The following ICA1 variants were observed in gnomAD, a reference collection of about 807,000 sequenced individuals.
ICA1 encodes the protein 69 kDa islet cell autoantigen.
A neutral mutation model predicts 71.0 loss-of-function variants in ICA1; 40 were observed. The observed-to-expected ratio is 0.56, with a 90% CI of 0.44 to 0.73. The LOEUF (loss-of-function observed/expected upper bound fraction) is 0.73. Among genes scored for constraint, ICA1 ranks in the 30% least tolerant of loss-of-function variants. The probability of loss-of-function intolerance (pLI) is 0.00; values close to 1 mark genes in which losing one functional copy is unlikely to be tolerated. For synonymous variants in ICA1, 207 were observed against 209.5 expected (o/e 0.99, Z 0.10); for missense variants, 578 against 576.5 (o/e 1.00, Z -0.03).
intron 13 of ICA1, among the ~76,000 whole-genome samples, chr7:8,126,201 A>C (rs544212083): frequency 1.3e-5 from 2 of 152,306 alleles, no homozygotes; most frequent in East Asian, 3.9e-4. Context: ...TTGTTTCCAA[A>C]GCTGAGGATC....
chr7:8,119,483 A>C (rs1313086267), intron 13 of ICA1, among the ~76,000 whole-genome samples: 1 of 152,288 alleles, frequency 6.6e-6, no homozygotes, highest in Non-Finnish European at 1.5e-5. Context: ...CTCACTTCCC[A>C]TCATGTAATG....
chr7:8,236,422 A>G lies in ICA1; in HGVS notation c.-79-417T>C, dbSNP rs544131039. Among the ~76,000 whole-genome samples the G allele has an allele frequency of 2.6e-5, 4 of 152,342 alleles. No homozygotes were observed. In the East Asian group the frequency reaches 7.7e-4, roughly 29 times the overall value. On this transcript the variant is annotated intron_variant, in intron 1 of 13. Coordinates refer to ENST00000402384, the MANE Select transcript of ICA1 (RefSeq NM_001136020.3). Reference sequence around the variant, plus strand: ...GAGATGGTGTGGGATGTGATGTGAGAGAGATATACAGCAGCTTCAAGTGCA... The same window carrying G: ...GAGATGGTGTGGGATGTGATGTGAGGGAGATATACAGCAGCTTCAAGTGCA...
intron 6 of ICA1, 77 bp downstream of exon 6, chr7:8,218,228 T>A (rs1795966987): frequency 7.8e-7 from 1 of 1,286,572 alleles, no homozygotes; most frequent in Non-Finnish European, 1.1e-6. Flanking sequence ...TATGTCTTCT[T>A]CACCAGAGGG....
rs868767847 is a variant in ICA1, at chr7:8,208,159, C to T, written c.579+10146G>A. Among the ~76,000 whole-genome samples, 27 of 152,244 alleles carry T rather than the reference C, an allele frequency of 1.8e-4. No individual in the cohort carries two copies. The Middle Eastern group carries it at 0.014, about 77-fold the overall frequency. ...CTTTCTTTCTAAAATATTAATTTTC[C>T]CTAGCCAACTTATAAATCTAGTTTT... On this transcript the variant is annotated intron_variant, in intron 6 of 13. Coordinates refer to ENST00000402384, the MANE Select transcript of ICA1 (RefSeq NM_001136020.3).
At chr7:8,151,896 G>C (rs1238748625) in intron 8 of ICA1, among the ~76,000 whole-genome samples, 1 of 152,204 alleles carries the variant, frequency 6.6e-6, no homozygotes, top group African/African-American at 2.4e-5. Flanking sequence ...GGGTACATCT[G>C]TTTCAATGGT....
chr7:8,260,106 TCCTC>T (rs1688331431), intron 1 of ICA1, among the ~76,000 whole-genome samples: 1 of 151,998 alleles, frequency 6.6e-6, no homozygotes, highest in African/African-American at 2.4e-5. Flanking sequence ...CCTGTTAACT[TCCTC>T]CCTCTCTCGC....
chr7:8,136,781 A>T lies in ICA1; in HGVS notation c.1060+2059T>A, dbSNP rs1027205861. On this transcript the variant is annotated intron_variant, in intron 12 of 13. Transcript: ENST00000402384. ...TCTTTACAATTACATAGAGTGCTCA[A>T]AAAAGGGGGTATGGACTGCTAGTCT... 3.9e-5 allele frequency among the ~76,000 whole-genome samples: 6 copies of T among 152,352 alleles called. 1 individual carries two copies. The highest frequency in any genetic ancestry group is 1.4e-4 in the African/African-American group (6 of 41,586).
chr7:8,215,752 A>G (rs1795205667), intron 6 of ICA1, among the ~76,000 whole-genome samples: 1 of 152,218 alleles, frequency 6.6e-6, no homozygotes, highest in Non-Finnish European at 1.5e-5. Flanking sequence ...TTTATAGCAA[A>G]ATACTACTTT....
intron 8 of ICA1, among the ~76,000 whole-genome samples, chr7:8,145,085 A>G (rs1485860801): frequency 6.6e-6 from 1 of 152,172 alleles, no homozygotes; most frequent in Admixed American, 6.5e-5. Context: ...CCAAACTGCC[A>G]GCTCTGTTTC....
rs1257722085 is a variant in ICA1 at position 8,127,947 on chromosome 7, G to A, written c.1256C>T (p.Ala419Val). 1 of 1,614,088 alleles carries A rather than the reference G, an allele frequency of 6.2e-7. No individual in the cohort carries two copies. The highest frequency in any genetic ancestry group is 1.3e-5 in the African/African-American group (1 of 74,930). Residue 419 changes from alanine (A) to valine (V), a missense_variant, in exon 13 of 14, where the codon GCC becomes GTC. Transcript: ENST00000402384. ...AGGAAGGAAACCTGAGCCTGTCTGGGCCTTGGGGTCTGGCTCTCCCAGGGC... is the reference window on the plus strand; with the variant it reads ...AGGAAGGAAACCTGAGCCTGTCTGGACCTTGGGGTCTGGCTCTCCCAGGGC... The part of the protein sequence containing the change: ...TMALGEPDPK[A>V]QTGSGFLPSQ...
chr7:8,177,972 A>G (rs565161509), intron 6 of ICA1, among the ~76,000 whole-genome samples: 1 of 152,348 alleles, frequency 6.6e-6, no homozygotes, highest in African/African-American at 2.4e-5. Context: ...CCAGACATCC[A>G]GGGTAAATGC....
At chr7:8,244,652 C>T (rs1458462149) in intron 1 of ICA1, among the ~76,000 whole-genome samples, 1 of 152,170 alleles carries the variant, frequency 6.6e-6, no homozygotes, top group Non-Finnish European at 1.5e-5. Flanking sequence ...TTTTTGCAAT[C>T]TACCCATCTG....
chr7:8,165,732 C>T (rs1231066633), intron 6 of ICA1, among the ~76,000 whole-genome samples: 2 of 152,116 alleles, frequency 1.3e-5, no homozygotes, highest in African/African-American at 2.4e-5. Context: ...CCAACAACAA[C>T]CAAGCTGAAA....
chr7:8,246,342 A>G (rs989480847), intron 1 of ICA1, among the ~76,000 whole-genome samples: 1 of 152,256 alleles, frequency 6.6e-6, no homozygotes, highest in Non-Finnish European at 1.5e-5. Flanking sequence ...AAGGATGAAT[A>G]GATCAATGGA....
Position 8,123,297 on chromosome 7 carries a change from C to T in ICA1, c.1330+4576G>A, listed in dbSNP as rs1186648563. Among the ~76,000 whole-genome samples the T allele has an allele frequency of 2.0e-5, 3 of 151,778 alleles. No homozygotes were observed. The highest frequency in any genetic ancestry group is 4.4e-5 in the Non-Finnish European group (3 of 67,988). ...TTTCCCCAGGGGACTGGGGACAGAA[C>T]GAGGAGAGAGGTGGAAGAAGAGAGG... On this transcript the variant is annotated intron_variant, in intron 13 of 13. Transcript: ENST00000402384. The surrounding 1 kb of genome is among the most constrained non-coding windows in gnomAD (Gnocchi z 4.1).
chr7:8,130,135 T>C lies in ICA1; in HGVS notation c.1061-1993A>G, dbSNP rs985521951. 6.6e-6 allele frequency among the ~76,000 whole-genome samples: 1 copy of C among 152,242 alleles called. No homozygotes were observed. The highest frequency in any genetic ancestry group is 1.5e-5 in the Non-Finnish European group (1 of 68,044). ...GACATTTGGGTTGGTTCCAAGTCTTTGCTGCTAGTGCCGCAATAAACATAC... is the reference window on the plus strand; with the variant it reads ...GACATTTGGGTTGGTTCCAAGTCTTCGCTGCTAGTGCCGCAATAAACATAC... On this transcript the variant is annotated intron_variant, in intron 12 of 13. Transcript: ENST00000402384. The surrounding 1 kb of genome is among the most constrained non-coding windows in gnomAD (Gnocchi z 4.2).
At chr7:8,228,222 T>C (rs1239735676) in intron 4 of ICA1, among the ~76,000 whole-genome samples, 2 of 152,058 alleles carry the variant, frequency 1.3e-5, no homozygotes, top group Non-Finnish European at 1.5e-5. Flanking sequence ...CATCAACAAA[T>C]CAACTGTATG....
intron 8 of ICA1, among the ~76,000 whole-genome samples, chr7:8,145,367 T>C (rs1464823871): frequency 6.6e-6 from 1 of 152,158 alleles, no homozygotes; most frequent in Non-Finnish European, 1.5e-5. Flanking sequence ...CATGTGCTAG[T>C]TTCTTCCTTC....
chr7:8,156,791 T>C (rs1008929217), intron 8 of ICA1: 3 of 1,451,982 alleles, frequency 2.1e-6, no homozygotes, highest in African/African-American at 1.4e-5. Context: ...GTCAAACAAG[T>C]ATTTTAAAGG....
Sources: allele counts gnomAD v4.1 joint callset (sites outside exome capture counted in the v4.1 genomes callset), GRCh38; gene constraint gnomAD v4.1.1; non-coding constraint Gnocchi (gnomAD v3.1); transcripts MANE v1.5; gene names NCBI Gene and HGNC (gene_info 2026-07-23, HGNC 2026-07-21).